Variants in CHD1 observed in about 807,000 individuals in gnomAD.
The protein encoded by CHD1 is chromodomain helicase DNA binding protein 1.
In CHD1, 36 loss-of-function variants were observed where a neutral mutation model predicts 224.2. That is an observed-to-expected ratio of 0.16 (90% CI 0.12 to 0.21). The LOEUF (loss-of-function observed/expected upper bound fraction) is 0.21. Ranked by LOEUF, CHD1 falls within the 10% of genes least tolerant of loss-of-function variation. The pLI is 1.00. For missense variants in CHD1, 1,378 were observed against 1,994.8 expected, an observed-to-expected ratio of 0.69 and a Z score of 5.89; for synonymous variants, 668 against 658.3, an observed-to-expected ratio of 1.01 and a Z score of -0.23.
At chr5:98,900,198 C>T (rs1009682725) in intron 7 of CHD1, among the ~76,000 whole-genome samples, 1 of 149,918 alleles carries the variant, frequency 6.7e-6, no homozygotes, top group African/African-American at 2.5e-5. Context: ...AGGAGAATGG[C>T]GTGAACCTGG....
rs762324278 is a variant in CHD1, at chr5:98,903,868, G to T, written c.296C>A (p.Ser99Tyr). 3 of 1,612,540 alleles carry T rather than the reference G, an allele frequency of 1.9e-6. No homozygotes were observed. Among genetic ancestry groups the T allele is most frequent in the Non-Finnish European group, 2.5e-6 (3 of 1,179,144 alleles). ...SSPSILAVQR[S>Y]AILKKQQQQQ... ...CTGTTGCTGCTTCTTGAGGATTGCA[G>T]ATCTCTGAACGGCCAGAATACTAGG... Residue 99 changes from serine to tyrosine, a missense_variant, in exon 4 of 36, where the codon TCT (serine) becomes TAT (tyrosine). Ser to Tyr is a moderately radical substitution (Grantham distance 144, BLOSUM62 -2). Coordinates refer to ENST00000614616, the MANE Select transcript of CHD1 (RefSeq NM_001270.4).
chr5:98,897,136 C>G, intron 11 of CHD1, 57 bp downstream of exon 11: 1 of 1,509,912 alleles, frequency 6.6e-7, no homozygotes, highest in East Asian at 2.3e-5. Flanking sequence ...TTTCTGAATC[C>G]TGTATTGGTA....
chr5:98,919,842 G>C (rs1321291155), intron 2 of CHD1, among the ~76,000 whole-genome samples: 2 of 152,098 alleles, frequency 1.3e-5, no homozygotes, highest in Non-Finnish European at 2.9e-5. Context: ...TCACTGAGAG[G>C]AAATAAAAGC....
chr5:98,926,603 A>AACT, intron 1 of CHD1, 69 bp from the exon 2 acceptor site: 1 of 345,246 alleles, frequency 2.9e-6, no homozygotes, highest in Non-Finnish European at 5.1e-6. Context: ...CCCTGTCTAA[A>AACT]ACGTATAAAT....
At chr5:98,889,366 C>T in intron 15 of CHD1, 128 bp from the exon 16 acceptor site, 1 of 648,758 alleles carries the variant, frequency 1.5e-6, no homozygotes, top group Non-Finnish European at 2.5e-6. Context: ...ATAAAATTCA[C>T]AGCTGTATAT....
chr5:98,874,205 G>A (rs896790738), intron 25 of CHD1, among the ~76,000 whole-genome samples: 7 of 151,682 alleles, frequency 4.6e-5, no homozygotes, highest in South Asian at 4.2e-4. Flanking sequence ...ATTTTTGAAG[G>A]GATTTTTTAA....
At chr5:98,927,224 G>C (rs1753528705) in intron 1 of CHD1, among the ~76,000 whole-genome samples, 1 of 152,058 alleles carries the variant, frequency 6.6e-6, no homozygotes, top group African/African-American at 2.4e-5. Flanking sequence ...TAAAAAATTT[G>C]GGGCAAGAAT....
chr5:98,881,948 A>C, intron 20 of CHD1, 27 bp downstream of exon 20: 2 of 1,599,088 alleles, frequency 1.3e-6, no homozygotes, highest in Non-Finnish European at 1.7e-6. Context: ...CTCTAAAATG[A>C]CATTTTTTTA....
chr5:98,925,823 C>G (rs940386810), intron 2 of CHD1, among the ~76,000 whole-genome samples: 4 of 150,784 alleles, frequency 2.7e-5, no homozygotes, highest in African/African-American at 9.8e-5. Flanking sequence ...TAGCCACTAG[C>G]CACATGTGAT....
rs559245271 is a variant in CHD1, at chr5:98,921,814, G to C, written c.53+4520C>G. Among the ~76,000 whole-genome samples, 10 of 152,176 alleles carry C rather than the reference G, an allele frequency of 6.6e-5. No individual in the cohort carries two copies. In the South Asian group the frequency reaches 1.7e-3, roughly 25 times the overall value. The stretch of plus-strand genomic sequence containing the variant: ...CACCATTCTGATCTTTAACCATATA[G>C]CCATTCCTGAAGTAAATCATCACTC... On this transcript the variant is annotated intron_variant, in intron 2 of 35. Coordinates refer to ENST00000614616, the MANE Select transcript of CHD1 (RefSeq NM_001270.4).
intron 7 of CHD1, among the ~76,000 whole-genome samples, 193 bp from the exon 8 acceptor site, chr5:98,899,898 C>G (rs937019281): frequency 1.3e-5 from 2 of 152,012 alleles, no homozygotes; most frequent in Non-Finnish European, 2.9e-5. Context: ...AATATAATCC[C>G]CTCCTTTTTC....
chr5:98,859,094 A>C (rs1748268928), intron 33 of CHD1, 79 bp from the exon 34 acceptor site: 1 of 1,059,514 alleles, frequency 9.4e-7, no homozygotes, highest in South Asian at 1.5e-5. Flanking sequence ...TTCTTAGAAA[A>C]TACTGATAAT....
chr5:98,908,846 G>A (rs1000513137), intron 2 of CHD1, among the ~76,000 whole-genome samples: 14 of 151,916 alleles, frequency 9.2e-5, no homozygotes, highest in Admixed American at 7.2e-4. Flanking sequence ...CTCAATTCAC[G>A]AAAGAAAAAC....
At chr5:98,880,085 C>A (rs1750056357) in intron 22 of CHD1, among the ~76,000 whole-genome samples, 1 of 152,164 alleles carries the variant, frequency 6.6e-6, no homozygotes, top group Admixed American at 6.5e-5. Context: ...TATTGTAGAA[C>A]AATCTAATAT....
intron 15 of CHD1, among the ~76,000 whole-genome samples, chr5:98,890,437 T>A (rs751336649): frequency 1.3e-5 from 2 of 151,982 alleles, no homozygotes; most frequent in Admixed American, 6.5e-5. Flanking sequence ...CCAGAAAAAA[T>A]TTATTATTAA....
intron 31 of CHD1, among the ~76,000 whole-genome samples, chr5:98,867,468 T>C (rs897144010): frequency 6.6e-6 from 1 of 152,202 alleles, no homozygotes; most frequent in Non-Finnish European, 1.5e-5. Flanking sequence ...AAACATTTCA[T>C]TCTTCTTGTA....
At chr5:98,885,904 G>C in intron 17 of CHD1, 2 of 399,248 alleles carry the variant, frequency 5.0e-6, no homozygotes, top group Non-Finnish European at 4.5e-6. Flanking sequence ...CATTCTAAAA[G>C]TATGTGATTG....
Position 98,873,647 on chromosome 5 carries a change from G to A in CHD1, c.3517C>T (p.His1173Tyr). Residue 1173 changes from histidine to tyrosine, a missense_variant, in exon 26 of 36, where the codon CAT becomes TAT. This residue lies in a region of CHD1 where 286 missense variants were observed against 445.1 expected (regional missense o/e 0.64). Transcript: ENST00000614616. ...TDLRRLGELV[H>Y]NGCIKALKDS... The stretch of plus-strand genomic sequence containing the variant: ...TTTAATGCTTTAATGCAACCATTAT[G>A]TACCAATTCTCCCAGTCGTCTAAGG... 6.2e-7 allele frequency: 1 copy of A among 1,610,190 alleles called. No homozygotes were observed. Among genetic ancestry groups the A allele is most frequent in the African/African-American group, 1.3e-5 (1 of 74,812 alleles).
At chr5:98,917,497 C>T (rs928770118) in intron 2 of CHD1, among the ~76,000 whole-genome samples, 2 of 152,120 alleles carry the variant, frequency 1.3e-5, no homozygotes, top group Non-Finnish European at 2.9e-5. Context: ...ATTTTAGAAT[C>T]CCATGATATC....
Sources: allele counts gnomAD v4.1 joint callset (sites outside exome capture counted in the v4.1 genomes callset), GRCh38; gene constraint gnomAD v4.1.1; regional missense constraint gnomAD v4.1.1; transcripts MANE v1.5; gene names NCBI Gene and HGNC (gene_info 2026-07-23, HGNC 2026-07-21).